The following MYO5C variants were observed in gnomAD, a reference collection of about 807,000 sequenced individuals.
MYO5C encodes myosin VC.
MYO5C carries 194 observed loss-of-function variants against 235.7 expected under a neutral mutation model. The ratio of observed to expected loss-of-function variants is 0.82; its 90% CI spans 0.73 to 0.93. The LOEUF is 0.93. Among genes scored for constraint, MYO5C ranks in the 40% least tolerant of loss-of-function variants. The pLI is 0.00. For synonymous variants in MYO5C, 707 were observed against 754.8 expected, an observed-to-expected ratio of 0.94 and a Z score of 1.04; for missense variants, 2,038 against 2,127.2, an observed-to-expected ratio of 0.96 and a Z score of 0.82.
intron 22 of MYO5C, among the ~76,000 whole-genome samples, chr15:52,235,997 G>A (rs1360940707): frequency 6.6e-6 from 1 of 152,174 alleles, no homozygotes; most frequent in Non-Finnish European, 1.5e-5. Context: ...AGCAATGACT[G>A]AAACAAGGAG....
rs769209899 is a variant in MYO5C at position 52,196,520 on chromosome 15, G to A, written c.4821-37C>T. 5 of 1,591,088 alleles carry A rather than the reference G, an allele frequency of 3.1e-6. No homozygotes were observed. In the African/African-American group the frequency reaches 4.0e-5, roughly 13 times the overall value. ...GGCAGAAGAACAGAGAATACTTTAG[G>A]GAAGGGTGCCAGATACTCCTGTGTG... On this transcript the variant is annotated intron_variant, in intron 38 of 40. Coordinates refer to ENST00000261839, the MANE Select transcript of MYO5C (RefSeq NM_018728.4).
At chr15:52,242,279 C>T in intron 19 of MYO5C, 66 bp from the exon 20 acceptor site, 1 of 1,508,180 alleles carries the variant, frequency 6.6e-7, no homozygotes, top group Non-Finnish European at 9.0e-7. Context: ...AACAGAGCTG[C>T]AAGCTTGGCT....
chr15:52,247,647 C>A, intron 14 of MYO5C, 55 bp from the exon 15 acceptor site: 1 of 1,586,618 alleles, frequency 6.3e-7, no homozygotes, highest in Non-Finnish European at 8.6e-7. Context: ...ACAGTACTCA[C>A]TCATACAAGC....
intron 9 of MYO5C, 42 bp downstream of exon 9, chr15:52,264,148 G>A (rs745796966): frequency 3.4e-6 from 5 of 1,467,218 alleles, no homozygotes; most frequent in Non-Finnish European, 4.7e-6. Context: ...GTTCCACTAT[G>A]ACCCTTAGAC....
At chr15:52,271,604 T>C (rs1005592321) in intron 7 of MYO5C, among the ~76,000 whole-genome samples, 159 bp downstream of exon 7, 22 of 151,540 alleles carry the variant, frequency 1.5e-4, no homozygotes, top group African/African-American at 4.4e-4. Context: ...CCCTAATCCA[T>C]CCCCTTAATT....
chr15:52,274,674 C>CCA (rs1555420132), intron 5 of MYO5C, among the ~76,000 whole-genome samples: 1 of 147,780 alleles, frequency 6.8e-6, no homozygotes, highest in East Asian at 2.5e-4. Context: ...CTTAGTACCC[C>CCA]CCCCCCGACA....
In MYO5C at chr15:52,244,404, C is replaced by T. The variant is rs753662631; in HGVS notation, c.2342G>A (p.Arg781Gln). ...LQRKKFLRER[R>Q]AALIIQQYFR... is the part of the protein sequence containing the mutation. ...GTACTGCTGGATTATCAGGGCGGCT[C>T]GTCTCTCTCGGAGGAATTTTTTCCT... is the stretch of plus-strand genomic sequence containing the variant. The change falls in exon 19 of 41, where the codon CGA (arginine) becomes CAA (glutamine). Residue 781 changes from arginine to glutamine, a missense_variant. By Grantham distance (43) the Arg-to-Gln change is conservative. Transcript: ENST00000261839. 1.1e-5 allele frequency: 17 copies of T among 1,613,850 alleles called. No individual in the cohort carries two copies. The highest frequency in any genetic ancestry group is 2.2e-5 in the East Asian group (1 of 44,888).
Position 52,270,404 on chromosome 15 carries a change from C to G in MYO5C, c.833-544G>C, listed in dbSNP as rs1348261377. On this transcript the variant is annotated intron_variant, in intron 7 of 40. Transcript: ENST00000261839. ...CACAAGAATTTAAATGCAGGCCTAA[C>G]TCTAAAGCTCATGGTTTTTGTTCCT... 2.0e-5 allele frequency among the ~76,000 whole-genome samples: 3 copies of G among 152,174 alleles called. No individual in the cohort carries two copies. The East Asian group carries it at 5.8e-4, about 29-fold the overall frequency.
chr15:52,236,625 G>A (rs951687047), intron 22 of MYO5C, among the ~76,000 whole-genome samples: 3 of 152,052 alleles, frequency 2.0e-5, no homozygotes, highest in South Asian at 2.1e-4. Flanking sequence ...GCAGTGAGCC[G>A]AGATTGCGCC....
intron 33 of MYO5C, among the ~76,000 whole-genome samples, chr15:52,213,865 T>C (rs3794551): frequency 0.021 from 3,158 of 152,318 alleles, 106 homozygotes; most frequent in South Asian, 0.15. Context: ...ACCTGGGCCC[T>C]GCTCTCATGG....
chr15:52,265,388 C>T (rs951966033), intron 8 of MYO5C, among the ~76,000 whole-genome samples: 5 of 151,964 alleles, frequency 3.3e-5, no homozygotes, highest in Non-Finnish European at 7.3e-5. Flanking sequence ...TGCGCTCGGG[C>T]TGGCAGGCAG....
At chr15:52,271,204 C>T (rs1208382035) in intron 7 of MYO5C, among the ~76,000 whole-genome samples, 1 of 151,580 alleles carries the variant, frequency 6.6e-6, no homozygotes, top group Non-Finnish European at 1.5e-5. Flanking sequence ...GTGGTTCTAG[C>T]TGGAGGACCA....
intron 11 of MYO5C, among the ~76,000 whole-genome samples, chr15:52,255,208 A>G (rs8043194): frequency 0.97 from 148,000 of 152,328 alleles, 72,055 homozygotes; most frequent in East Asian, 1. Flanking sequence ...GGCTCAGAGA[A>G]CCCAAGGTCC....
chr15:52,225,582 CT>C, intron 25 of MYO5C, 50 bp from the exon 26 acceptor site: 1 of 1,268,944 alleles, frequency 7.9e-7, no homozygotes, highest in Non-Finnish European at 1.1e-6. Context: ...AACGATTATG[CT>C]TTATATAAGA....
chr15:52,202,700 A>G (rs2035215668), intron 38 of MYO5C, among the ~76,000 whole-genome samples: 1 of 152,202 alleles, frequency 6.6e-6, no homozygotes, highest in Non-Finnish European at 1.5e-5. Context: ...TGCAAAGACT[A>G]GTCCTTCTGA....
At chr15:52,278,385 G>A (rs1017794960) in intron 4 of MYO5C, among the ~76,000 whole-genome samples, 1 of 152,076 alleles carries the variant, frequency 6.6e-6, no homozygotes, top group African/African-American at 2.4e-5. Flanking sequence ...TCATTCACAG[G>A]AGGCTTTTCA....
At chr15:52,270,615 T>C (rs576506636) in intron 7 of MYO5C, among the ~76,000 whole-genome samples, 36 of 150,670 alleles carry the variant, frequency 2.4e-4, no homozygotes, top group Non-Finnish European at 4.3e-4. Context: ...CATTTATATA[T>C]GTATATATAA....
At chr15:52,198,785 T>C (rs2035115443) in intron 38 of MYO5C, among the ~76,000 whole-genome samples, 1 of 152,012 alleles carries the variant, frequency 6.6e-6, no homozygotes. Flanking sequence ...TTTCACCATA[T>C]TGGCCAGGCT....
intron 16 of MYO5C, 22 bp downstream of exon 16, chr15:52,246,895 T>A: frequency 6.3e-7 from 1 of 1,590,086 alleles, no homozygotes; most frequent in Non-Finnish European, 8.6e-7. Flanking sequence ...GTCTTCGCTG[T>A]GTGTTGCATA....
Sources: gnomAD v4.1 joint callset for allele counts (sites outside exome capture counted in the v4.1 genomes callset) on GRCh38, gnomAD v4.1.1 for gene constraint, MANE v1.5 for transcripts, NCBI Gene and HGNC (gene_info 2026-07-23, HGNC 2026-07-21) for gene names.